TSGA10: variants seen among roughly 807,000 people sequenced by gnomAD.
TSGA10 encodes the protein testis specific 10, also known as testis-specific gene 10 protein.
In TSGA10, 43 loss-of-function variants were observed where a neutral mutation model predicts 96.6. That is an observed-to-expected ratio of 0.44 (90% CI 0.35 to 0.57). TSGA10 has a LOEUF of 0.57. Among genes scored for constraint, TSGA10 ranks in the 20% least tolerant of loss-of-function variants. TSGA10 has a pLI of 0.01. For missense variants in TSGA10, 703 were observed against 834.4 expected (o/e 0.84, Z 1.94); for synonymous variants, 229 against 269.9 (o/e 0.85, Z 1.48).
At chr2:99,016,798 A>AAAAAC (rs1284122978) in intron 20 of TSGA10, among the ~76,000 whole-genome samples, 1 of 152,206 alleles carries the variant, frequency 6.6e-6, no homozygotes, top group African/African-American at 2.4e-5. Flanking sequence ...ATCAGCAAGA[A>AAAAAC]AAAACAAAAC....
intron 15 of TSGA10, among the ~76,000 whole-genome samples, chr2:99,067,619 G>A (rs1203909589): frequency 2.6e-5 from 4 of 152,068 alleles, no homozygotes; most frequent in African/African-American, 4.8e-5. Flanking sequence ...TTGGGAGGCC[G>A]AGACAGGTGG....
Position 99,077,127 on chromosome 2 carries a change from C to CTTTTTTTTT in TSGA10, c.882+1523_882+1531dup, listed in dbSNP as rs35876721. The stretch of plus-strand genomic sequence containing the variant: ...GGCTTTGAGAAGGCGGACCATTCAC[C>CTTTTTTTTT]TTTTTTTTTTTTTTTTTTTTTTTTT... On this transcript the variant is annotated intron_variant, in intron 12 of 20. Transcript: ENST00000393483. Among the ~76,000 whole-genome samples the CTTTTTTTTT allele has an allele frequency of 1.4e-4, 10 of 70,462 alleles. 1 individual carries two copies. The highest frequency in any genetic ancestry group is 1.9e-4 in the Non-Finnish European group (7 of 36,206). The allele number at this position is 70,462 out of a possible 152,430, so 46.2% of individuals were successfully genotyped here. A position where few individuals can be genotyped will look rare whatever the true frequency, so the allele number is the denominator to read the frequency against.
chr2:99,111,440 G>A (rs1238021258), intron 4 of TSGA10, among the ~76,000 whole-genome samples: 1 of 152,106 alleles, frequency 6.6e-6, no homozygotes, highest in Non-Finnish European at 1.5e-5. Context: ...CTACAGGACA[G>A]TGACTAAGTT....
intron 16 of TSGA10, among the ~76,000 whole-genome samples, chr2:99,060,553 C>T (rs1285156892): frequency 1.3e-5 from 2 of 152,124 alleles, no homozygotes; most frequent in East Asian, 1.9e-4. Flanking sequence ...TAATGCTAAT[C>T]AAACCCCAAG....
chr2:99,022,723 G>C (rs1283771357), intron 17 of TSGA10, among the ~76,000 whole-genome samples: 1 of 152,150 alleles, frequency 6.6e-6, no homozygotes, highest in Non-Finnish European at 1.5e-5. Context: ...TTTATGAGCT[G>C]TAAGGCAATC....
intron 17 of TSGA10, among the ~76,000 whole-genome samples, chr2:99,029,752 G>A (rs2080968599): frequency 6.6e-6 from 1 of 152,132 alleles, no homozygotes; most frequent in Admixed American, 6.5e-5. Context: ...CCCTCTACTT[G>A]ATAAAGAACA....
chr2:99,040,527 C>T (rs937922284), intron 16 of TSGA10, among the ~76,000 whole-genome samples: 1 of 151,560 alleles, frequency 6.6e-6, no homozygotes. Context: ...AAACAAAAAA[C>T]AAAAAAACAC....
At chr2:99,045,076 C>G (rs537796399) in intron 16 of TSGA10, among the ~76,000 whole-genome samples, 3 of 151,804 alleles carry the variant, frequency 2.0e-5, no homozygotes, top group African/African-American at 2.4e-5. Context: ...CAAAAGAAAG[C>G]AAGAAAAATC....
chr2:99,139,741 T>A (rs1293741290), intron 1 of TSGA10, among the ~76,000 whole-genome samples: 1 of 152,224 alleles, frequency 6.6e-6, no homozygotes, highest in Non-Finnish European at 1.5e-5. Flanking sequence ...AGAAGCAAGA[T>A]GTAAATGAAT....
chr2:99,016,517 C>G (rs1194910093), intron 20 of TSGA10, among the ~76,000 whole-genome samples: 2 of 152,162 alleles, frequency 1.3e-5, no homozygotes, highest in Admixed American at 1.3e-4. Context: ...AGACCTAAAT[C>G]TAACATCTGA....
At chr2:99,039,041 C>T (rs2081936157) in intron 16 of TSGA10, among the ~76,000 whole-genome samples, 1 of 152,052 alleles carries the variant, frequency 6.6e-6, no homozygotes, top group Non-Finnish European at 1.5e-5. Flanking sequence ...TGAATGATCT[C>T]TGGTTCAACA....
At chr2:99,022,509 C>T (rs528349689) in intron 17 of TSGA10, among the ~76,000 whole-genome samples, 87 of 152,114 alleles carry the variant, frequency 5.7e-4, no homozygotes, top group African/African-American at 2.0e-3. Context: ...TAAGAGTTAT[C>T]GATGTTTTAG....
At chr2:99,005,942 G>C (rs1443783994) in intron 20 of TSGA10, among the ~76,000 whole-genome samples, 1 of 152,156 alleles carries the variant, frequency 6.6e-6, no homozygotes, top group African/African-American at 2.4e-5. Context: ...TACCAAAACA[G>C]AGATATAGAT....
chr2:99,010,129 A>G (rs906446798), intron 20 of TSGA10, among the ~76,000 whole-genome samples: 6 of 152,236 alleles, frequency 3.9e-5, no homozygotes, highest in Non-Finnish European at 5.9e-5. Context: ...TGGTGCTATA[A>G]CAACCAATGT....
chr2:99,077,917 C>G (rs1300852651), intron 12 of TSGA10, among the ~76,000 whole-genome samples: 2 of 151,974 alleles, frequency 1.3e-5, no homozygotes, highest in Non-Finnish European at 2.9e-5. Flanking sequence ...TGGAGGTTAT[C>G]ATCCAGCTTT....
At chr2:99,028,297 G>A (rs181949584) in intron 17 of TSGA10, among the ~76,000 whole-genome samples, 2 of 152,134 alleles carry the variant, frequency 1.3e-5, no homozygotes, top group African/African-American at 4.8e-5. Flanking sequence ...CCTTTGCAGG[G>A]GTACTACTTC....
chr2:99,150,412 C>T (rs1301257514), intron 1 of TSGA10: 1 of 863,582 alleles, frequency 1.2e-6, no homozygotes, highest in Non-Finnish European at 1.8e-6. Flanking sequence ...GCTTTTCATT[C>T]AAACAAACAT....
At chr2:99,123,076 C>T (rs1043656270) in intron 2 of TSGA10, among the ~76,000 whole-genome samples, 6 of 152,264 alleles carry the variant, frequency 3.9e-5, no homozygotes, top group Admixed American at 2.6e-4. Flanking sequence ...TGAAAAATGT[C>T]GTGCCACTTC....
chr2:99,073,881 CTAAG>C (rs373877085), intron 12 of TSGA10, among the ~76,000 whole-genome samples: 78 of 150,920 alleles, frequency 5.2e-4, no homozygotes, highest in African/African-American at 1.7e-3. Flanking sequence ...AGTTATTTCA[CTAAG>C]TAATAACTAG....
Sources: gnomAD v4.1 joint callset for allele counts (sites outside exome capture counted in the v4.1 genomes callset) on GRCh38, gnomAD v4.1.1 for gene constraint, MANE v1.5 for transcripts, NCBI Gene and HGNC (gene_info 2026-07-23, HGNC 2026-07-21) for gene names.